The following PODXL variants were observed in gnomAD, a reference collection of about 807,000 sequenced individuals.
PODXL encodes the protein podocalyxin like.
PODXL carries 20 observed loss-of-function variants against 48.9 expected under a neutral mutation model. The observed-to-expected ratio is 0.41, with a 90% CI of 0.29 to 0.59. The LOEUF (loss-of-function observed/expected upper bound fraction) is 0.59, where lower values mean the gene tolerates loss of function less well. Ranked by LOEUF, PODXL falls within the 20% of genes least tolerant of loss-of-function variation. The pLI is 0.31. For synonymous variants in PODXL, 295 were observed against 287.4 expected (o/e 1.03, Z -0.27); for missense variants, 606 against 675.1 (o/e 0.90, Z 1.13).
Position 131,504,388 on chromosome 7 carries a change from G to C in PODXL, c.1600C>G (p.Leu534Val). ...AGAGGGACGATCCAGCTGTCCCCCA[G>C]CTCCCCGTTGAGGCTGACCACCTTC... ...EKKVVSLNGE[L>V]GDSWIVPLDN... The change falls in exon 9 of 9, where the codon CTG becomes GTG. Residue 534 changes from leucine to valine, a missense_variant. Coordinates refer to ENST00000378555, the MANE Select transcript of PODXL (RefSeq NM_001018111.3). The C allele has an allele frequency of 6.2e-7, 1 of 1,614,180 alleles. No homozygotes were observed. The highest frequency in any genetic ancestry group is 8.5e-7 in the Non-Finnish European group (1 of 1,180,036).
chr7:131,508,102 GAGTGT>G (rs1797841971), intron 5 of PODXL, among the ~76,000 whole-genome samples: 2 of 152,202 alleles, frequency 1.3e-5, no homozygotes, highest in African/African-American at 4.8e-5. Flanking sequence ...GTTATTTACT[GAGTGT>G]GCACAGCGCA....
intron 5 of PODXL, among the ~76,000 whole-genome samples, chr7:131,508,576 G>A (rs998293537): frequency 4.6e-5 from 7 of 152,012 alleles, no homozygotes; most frequent in Non-Finnish European, 1.0e-4. Context: ...ATTTTCAATT[G>A]AGACATCTGA....
At chr7:131,511,949 T>C (rs997014992) in intron 1 of PODXL, among the ~76,000 whole-genome samples, 4 of 152,066 alleles carry the variant, frequency 2.6e-5, no homozygotes, top group African/African-American at 9.7e-5. Context: ...CAGGAACACC[T>C]CTGTCTCCTC....
chr7:131,541,090 G>C (rs996920701), intron 1 of PODXL, among the ~76,000 whole-genome samples: 3 of 152,208 alleles, frequency 2.0e-5, no homozygotes, highest in African/African-American at 7.2e-5. Context: ...TCACAGCAGG[G>C]CACGTTCCCC....
intron 1 of PODXL, among the ~76,000 whole-genome samples, chr7:131,533,347 C>A (rs1322393888): frequency 6.6e-6 from 1 of 152,212 alleles, no homozygotes; most frequent in Non-Finnish European, 1.5e-5. Flanking sequence ...AGCATCACCT[C>A]TCCCAGAGGG....
chr7:131,527,999 GT>G (rs1230226602), intron 1 of PODXL, among the ~76,000 whole-genome samples: 1 of 151,386 alleles, frequency 6.6e-6, no homozygotes, highest in Non-Finnish European at 1.5e-5. Flanking sequence ...TCTCTCCTGG[GT>G]TCAAGCAATT....
At chr7:131,534,766 A>G (rs1733875) in intron 1 of PODXL, among the ~76,000 whole-genome samples, 139,632 of 152,280 alleles carry the variant, frequency 0.92, 64,281 homozygotes, top group East Asian at 1. Context: ...TTTAATACAC[A>G]TGGCCGGGTG....
intron 1 of PODXL, among the ~76,000 whole-genome samples, chr7:131,517,103 G>A (rs942809937): frequency 2.6e-5 from 4 of 152,142 alleles, no homozygotes; most frequent in African/African-American, 9.7e-5. Flanking sequence ...ATATTGTTAA[G>A]AGGACTATTC....
At chr7:131,514,145 C>T (rs894126177) in intron 1 of PODXL, among the ~76,000 whole-genome samples, 1 of 152,128 alleles carries the variant, frequency 6.6e-6, no homozygotes, top group Non-Finnish European at 1.5e-5. Context: ...AGGCTGGGTG[C>T]GGTGGCTCAT....
At position 131,511,748 on chromosome 7, in the gene PODXL, G is replaced by A. The variant is rs181051468; in HGVS notation, c.101-315C>T. ...TGGGATTACAGGCGTGAGCCACCAC[G>A]CCTGGCATGAAACCTCTAAGAGGGC... On this transcript the variant is annotated intron_variant, in intron 1 of 8. Transcript: ENST00000378555. Among the ~76,000 whole-genome samples the A allele has an allele frequency of 2.8e-4, 43 of 152,192 alleles. 1 individual carries two copies. The highest frequency in any genetic ancestry group is 9.4e-4 in the African/African-American group (39 of 41,532).
At chr7:131,505,045 C>T (rs1562901526) in intron 8 of PODXL, among the ~76,000 whole-genome samples, 2 of 152,118 alleles carry the variant, frequency 1.3e-5, no homozygotes, top group African/African-American at 4.8e-5. Flanking sequence ...AACAACTACA[C>T]TGATGGACTC....
At chr7:131,524,939 A>G (rs534475536) in intron 1 of PODXL, among the ~76,000 whole-genome samples, 2 of 152,342 alleles carry the variant, frequency 1.3e-5, no homozygotes, top group South Asian at 2.1e-4. Context: ...ATGTGACAAT[A>G]TAGATAAGAC....
In PODXL at chr7:131,511,201, G is replaced by A. The variant is rs140716853; in HGVS notation, c.333C>T (p.Gly111=). 33 of 1,614,042 alleles carry A rather than the reference G, an allele frequency of 2.0e-5. No homozygotes were observed. The Middle Eastern group carries it at 4.9e-4, about 24-fold the overall frequency. The part of the protein sequence containing the change: ...GPVNTTVARG[G]GSGNPTTTIE... Reference sequence around the variant, plus strand: ...TGGTGGTAGTAGGGTTGCCTGAGCCGCCTCCTCTAGCCACGGTAGTGTTGA... The same window carrying A: ...TGGTGGTAGTAGGGTTGCCTGAGCCACCTCCTCTAGCCACGGTAGTGTTGA... The change falls in exon 2 of 9, where the codon GGC becomes GGT. Residue 111 remains glycine (G), a synonymous_variant. Coordinates refer to ENST00000378555, the MANE Select transcript of PODXL (RefSeq NM_001018111.3).
intron 8 of PODXL, among the ~76,000 whole-genome samples, chr7:131,505,117 C>A (rs767208094): frequency 1.3e-5 from 2 of 152,156 alleles, no homozygotes; most frequent in Non-Finnish European, 2.9e-5. Flanking sequence ...AAGTTCCCCA[C>A]GGTGTGCAGG....
chr7:131,535,607 A>G (rs899664891), intron 1 of PODXL, among the ~76,000 whole-genome samples: 2 of 152,184 alleles, frequency 1.3e-5, no homozygotes, highest in Admixed American at 1.3e-4. Flanking sequence ...GCAACTACTC[A>G]ACTTTGCCGT....
intron 1 of PODXL, 115 bp from the exon 2 acceptor site, chr7:131,511,548 C>T: frequency 9.5e-7 from 1 of 1,049,272 alleles, no homozygotes; most frequent in Non-Finnish European, 1.4e-6. Context: ...GTCTGCCTTG[C>T]TAAAGGCCTG....
chr7:131,539,614 C>G (rs925385777), intron 1 of PODXL, among the ~76,000 whole-genome samples: 2 of 152,230 alleles, frequency 1.3e-5, no homozygotes, highest in East Asian at 3.8e-4. Context: ...CCACCACGCC[C>G]AGTCCCCGAA....
intron 1 of PODXL, among the ~76,000 whole-genome samples, chr7:131,549,082 C>G (rs764335973): frequency 2.0e-5 from 3 of 152,140 alleles, no homozygotes; most frequent in Non-Finnish European, 4.4e-5. Flanking sequence ...GACAAACAAA[C>G]AAACCAATGA....
At chr7:131,535,514 T>G (rs1584825764) in intron 1 of PODXL, among the ~76,000 whole-genome samples, 1 of 152,212 alleles carries the variant, frequency 6.6e-6, no homozygotes, top group Non-Finnish European at 1.5e-5. Flanking sequence ...GACACAGTAT[T>G]GTACAACAGA....
Sources: allele counts gnomAD v4.1 joint callset (sites outside exome capture counted in the v4.1 genomes callset), GRCh38; gene constraint gnomAD v4.1.1; transcripts MANE v1.5; gene names NCBI Gene and HGNC (gene_info 2026-07-23, HGNC 2026-07-21).